OSBPL6: variants seen among roughly 807,000 people sequenced by gnomAD.
OSBPL6 encodes oxysterol binding protein like 6, also known as oxysterol-binding protein-related protein 6.
OSBPL6 carries 49 observed loss-of-function variants against 125.8 expected under a neutral mutation model. The ratio of observed to expected loss-of-function variants is 0.39; its 90% confidence interval spans 0.31 to 0.49. The LOEUF (loss-of-function observed/expected upper bound fraction) is 0.49, where lower values mean the gene tolerates loss of function less well. OSBPL6 is among the 20% of genes least tolerant of loss of function. OSBPL6 has a pLI of 0.88. For synonymous variants in OSBPL6, 394 were observed against 391.8 expected, an observed-to-expected ratio of 1.01 and a Z score of -0.07; for missense variants, 986 against 1,135.4, an observed-to-expected ratio of 0.87 and a Z score of 1.89.
chr2:178,274,089 T>C (rs2092423052), intron 1 of OSBPL6, among the ~76,000 whole-genome samples: 1 of 152,208 alleles, frequency 6.6e-6, no homozygotes, highest in Non-Finnish European at 1.5e-5. Flanking sequence ...CTGGCTTTTT[T>C]CTATTCAAAG....
Position 178,402,763 on chromosome 2 carries a change from T to C in OSBPL6, c.*7204T>C, listed in dbSNP as rs1575071462. On this transcript the variant is annotated 3_prime_UTR_variant, in exon 25 of 25. Coordinates refer to ENST00000190611, the MANE Select transcript of OSBPL6 (RefSeq NM_032523.4). The stretch of plus-strand genomic sequence containing the variant: ...GTTAAATTTCCTAATGAAAGAGGAA[T>C]TATTCACTGAAAAATTTGTCTAATC... 6.6e-6 allele frequency: 1 copy of C among 152,202 alleles called. No homozygotes were observed. The highest frequency in any genetic ancestry group is 1.5e-5 in the Non-Finnish European group (1 of 68,036). 9.4% of individuals were successfully genotyped at this position (152,202 alleles called of 1,614,324 possible).
chr2:178,342,183 C>T (rs114099850), intron 11 of OSBPL6, among the ~76,000 whole-genome samples: 2 of 152,148 alleles, frequency 1.3e-5, no homozygotes, highest in Non-Finnish European at 2.9e-5. Context: ...ATATGAGAGG[C>T]TCTCAAGCAG....
intron 17 of OSBPL6, among the ~76,000 whole-genome samples, chr2:178,383,745 C>A (rs1327198936): frequency 2.0e-5 from 3 of 152,178 alleles, no homozygotes; most frequent in Non-Finnish European, 4.4e-5. Context: ...GTGGCAGAAC[C>A]AATAAGCTGG....
At chr2:178,352,090 CAAT>C (rs1308248258) in intron 12 of OSBPL6, among the ~76,000 whole-genome samples, 3 of 152,190 alleles carry the variant, frequency 2.0e-5, no homozygotes, top group East Asian at 1.9e-4. Flanking sequence ...ATAGGAAAAA[CAAT>C]AATAAAATTT....
Position 178,287,148 on chromosome 2 carries a change from TTA to T in OSBPL6, c.-156+2028_-156+2029del, listed in dbSNP as rs765977614. ...TCCTAAAACAATGGTTCTTCTTTTT[TTA>T]AAAAAAAAAAAAAAAAAAACAAATT... On this transcript the variant is annotated intron_variant, in intron 2 of 24. Coordinates refer to ENST00000190611, the MANE Select transcript of OSBPL6 (RefSeq NM_032523.4). 2.5e-3 allele frequency among the ~76,000 whole-genome samples: 240 copies of T among 97,662 alleles called. 1 individual carries two copies. Among genetic ancestry groups the T allele is most frequent in the Middle Eastern group, 4.5e-3 (1 of 220 alleles). 64.1% of individuals were successfully genotyped at this position (97,662 alleles called of 152,430 possible). A position where few individuals can be genotyped will look rare whatever the true frequency, so the allele number is the denominator to read the frequency against.
Position 178,339,668 on chromosome 2 carries a change from G to T in OSBPL6, c.895-4G>T. ...TGTTGCTTTTAACTATTTGTGTAATGTAGGCTAACTGTGTAGATATTTCAA... is the reference window on the plus strand; with the variant it reads ...TGTTGCTTTTAACTATTTGTGTAATTTAGGCTAACTGTGTAGATATTTCAA... On this transcript the variant is annotated splice_region_variant and splice_polypyrimidine_tract_variant and intron_variant, in intron 10 of 24. Coordinates refer to ENST00000190611, the MANE Select transcript of OSBPL6 (RefSeq NM_032523.4). 2 of 1,589,984 alleles carry T rather than the reference G, an allele frequency of 1.3e-6. No individual in the cohort carries two copies. Among genetic ancestry groups the T allele is most frequent in the Non-Finnish European group, 1.7e-6 (2 of 1,169,842 alleles).
intron 12 of OSBPL6, among the ~76,000 whole-genome samples, chr2:178,350,660 G>A (rs1355956023): frequency 6.6e-6 from 1 of 152,144 alleles, no homozygotes; most frequent in Non-Finnish European, 1.5e-5. Flanking sequence ...TACTCCTGGT[G>A]TATGTTCATT....
At chr2:178,280,995 T>G (rs1684105686) in intron 1 of OSBPL6, among the ~76,000 whole-genome samples, 1 of 150,136 alleles carries the variant, frequency 6.7e-6, no homozygotes, top group Non-Finnish European at 1.5e-5. Flanking sequence ...TTGCTTTTGT[T>G]GCAATTGCTT....
At chr2:178,272,708 T>C (rs1237668668) in intron 1 of OSBPL6, among the ~76,000 whole-genome samples, 3 of 152,202 alleles carry the variant, frequency 2.0e-5, no homozygotes, top group Non-Finnish European at 4.4e-5. Flanking sequence ...CAGCAAAACT[T>C]GTCTGAGTGC....
chr2:178,280,271 AAT>A (rs1422778988), intron 1 of OSBPL6, among the ~76,000 whole-genome samples: 2 of 152,190 alleles, frequency 1.3e-5, no homozygotes, highest in African/African-American at 4.8e-5. Flanking sequence ...TTTCTAAAAT[AAT>A]ATATGTCACC....
At chr2:178,281,959 G>GA (rs919112172) in intron 1 of OSBPL6, among the ~76,000 whole-genome samples, 8 of 152,048 alleles carry the variant, frequency 5.3e-5, no homozygotes, top group African/African-American at 1.7e-4. Context: ...AACTTAAAAG[G>GA]AAAAAAATTG....
intron 12 of OSBPL6, among the ~76,000 whole-genome samples, chr2:178,358,586 A>G (rs1391455748): frequency 1.3e-5 from 2 of 152,204 alleles, no homozygotes; most frequent in African/African-American, 4.8e-5. Flanking sequence ...TACACCATAC[A>G]CAAAAGTGAG....
At position 178,360,235 on chromosome 2, in the gene OSBPL6, G is replaced by A. The variant is rs140792172; in HGVS notation, c.1154-1447G>A. 7.2e-3 allele frequency among the ~76,000 whole-genome samples: 1,100 copies of A among 152,250 alleles called. 6 individuals carry two copies. Among genetic ancestry groups the A allele is most frequent in the Middle Eastern group, 0.051 (15 of 294 alleles). On this transcript the variant is annotated intron_variant, in intron 12 of 24. Coordinates refer to ENST00000190611, the MANE Select transcript of OSBPL6 (RefSeq NM_032523.4). ...AGTGGAGGGGAGATGTAGGTCAAAG[G>A]ACACAAAGTAGCAAATGTGTAGGAT...
intron 15 of OSBPL6, among the ~76,000 whole-genome samples, chr2:178,380,486 G>C (rs1252911243): frequency 2.1e-5 from 2 of 94,604 alleles, no homozygotes; most frequent in Admixed American, 1.2e-4. Flanking sequence ...AAAAAAAAAA[G>C]TGATCTTTTA....
intron 1 of OSBPL6, among the ~76,000 whole-genome samples, chr2:178,249,649 T>C (rs145010275): frequency 6.6e-6 from 1 of 152,334 alleles, no homozygotes; most frequent in African/African-American, 2.4e-5. Flanking sequence ...GTACTCTCTA[T>C]GTAGGCTCAT....
chr2:178,365,540 G>A (rs1316320723), intron 13 of OSBPL6, among the ~76,000 whole-genome samples: 1 of 152,092 alleles, frequency 6.6e-6, no homozygotes, highest in East Asian at 1.9e-4. Flanking sequence ...GCTGGGCGTG[G>A]TGGCAGGTGC....
intron 9 of OSBPL6, among the ~76,000 whole-genome samples, chr2:178,338,330 C>T (rs911607159): frequency 5.9e-5 from 9 of 151,928 alleles, no homozygotes; most frequent in Non-Finnish European, 1.0e-4. Flanking sequence ...TTCTCTTGTA[C>T]TAAATAAACC....
intron 3 of OSBPL6, among the ~76,000 whole-genome samples, chr2:178,318,119 G>C (rs1687927369): frequency 6.6e-6 from 1 of 152,208 alleles, no homozygotes; most frequent in Non-Finnish European, 1.5e-5. Context: ...GAATTAAAAA[G>C]CTGTTTATTC....
At chr2:178,348,378 G>A (rs1459659316) in intron 11 of OSBPL6, among the ~76,000 whole-genome samples, 2 of 152,158 alleles carry the variant, frequency 1.3e-5, no homozygotes, top group African/African-American at 4.8e-5. Flanking sequence ...GGAAGAATTG[G>A]TATTTTCCTT....
Sources: gnomAD v4.1 joint callset for allele counts (sites outside exome capture counted in the v4.1 genomes callset) on GRCh38, gnomAD v4.1.1 for gene constraint, MANE v1.5 for transcripts, NCBI Gene and HGNC (gene_info 2026-07-23, HGNC 2026-07-21) for gene names.